Variants in TLN2 observed in about 807,000 individuals in gnomAD.
TLN2 encodes talin-2.
TLN2 carries 118 observed loss-of-function variants against 294.7 expected under a neutral mutation model. The ratio of observed to expected loss-of-function variants is 0.40; its 90% CI spans 0.34 to 0.47. The LOEUF is 0.47. TLN2 is among the 20% of genes least tolerant of loss of function. TLN2 has a pLI of 0.84. For synonymous variants in TLN2, 1,431 were observed against 1,304.5 expected (o/e 1.10, Z -2.09); for missense variants, 3,083 against 3,282.2 (o/e 0.94, Z 1.48).
intron 1 of TLN2, among the ~76,000 whole-genome samples, chr15:62,466,661 C>G (rs2140352941): frequency 6.6e-6 from 1 of 152,334 alleles, no homozygotes. Flanking sequence ...AAATGCACAG[C>G]TGAGATATTT....
At chr15:62,464,984 G>A (rs1013562146) in intron 1 of TLN2, among the ~76,000 whole-genome samples, 1 of 152,064 alleles carries the variant, frequency 6.6e-6, no homozygotes, top group African/African-American at 2.4e-5. Flanking sequence ...CTATGGGGGT[G>A]CATGTGTGAT....
chr15:62,650,251 C>A, intron 5 of TLN2, 70 bp downstream of exon 5: 1 of 1,485,226 alleles, frequency 6.7e-7, no homozygotes, highest in Non-Finnish European at 9.4e-7. Context: ...GACGCCAACA[C>A]GGTTACGCTA....
At chr15:62,555,001 A>AG (rs2042530133) in intron 1 of TLN2, among the ~76,000 whole-genome samples, 1 of 151,422 alleles carries the variant, frequency 6.6e-6, no homozygotes, top group African/African-American at 2.4e-5. Context: ...AAAGAAAAAA[A>AG]AAAACACCCT....
chr15:62,780,070 C>A (rs1011017858), intron 43 of TLN2, among the ~76,000 whole-genome samples: 2 of 152,260 alleles, frequency 1.3e-5, no homozygotes, highest in East Asian at 3.8e-4. Flanking sequence ...CCAGATCCCA[C>A]TGTTGTCGTC....
At chr15:62,445,357 T>C (rs1027402185) in intron 1 of TLN2, among the ~76,000 whole-genome samples, 1 of 152,196 alleles carries the variant, frequency 6.6e-6, no homozygotes, top group African/African-American at 2.4e-5. Context: ...ATATGCTATA[T>C]ACGTTAGAGT....
chr15:62,797,724 C>G (rs1356212105), intron 48 of TLN2, among the ~76,000 whole-genome samples: 1 of 152,136 alleles, frequency 6.6e-6, no homozygotes, highest in Non-Finnish European at 1.5e-5. Flanking sequence ...TGGGCCAGAG[C>G]AGGGCACAGG....
At chr15:62,540,066 A>T (rs2041587191) in intron 1 of TLN2, among the ~76,000 whole-genome samples, 2 of 152,206 alleles carry the variant, frequency 1.3e-5, no homozygotes, top group Admixed American at 1.3e-4. Flanking sequence ...CAGGCTGGGT[A>T]CAGTGGCTCA....
intron 2 of TLN2, among the ~76,000 whole-genome samples, chr15:62,608,674 G>A (rs2047653684): frequency 6.6e-6 from 1 of 152,198 alleles, no homozygotes; most frequent in East Asian, 1.9e-4. Context: ...AGGGAGAGGT[G>A]ATGAGTTTAT....
chr15:62,669,164 C>CTA (rs2055088789), intron 9 of TLN2, among the ~76,000 whole-genome samples: 1 of 152,144 alleles, frequency 6.6e-6, no homozygotes, highest in Non-Finnish European at 1.5e-5. Context: ...TATTTGACAG[C>CTA]TATCTATATG....
At chr15:62,641,262 C>T (rs1345186984) in intron 3 of TLN2, among the ~76,000 whole-genome samples, 2 of 152,012 alleles carry the variant, frequency 1.3e-5, no homozygotes, top group South Asian at 2.1e-4. Context: ...AGATAGTGGC[C>T]GACTCAAGTA....
At chr15:62,545,313 C>G (rs1295251678) in intron 1 of TLN2, among the ~76,000 whole-genome samples, 3 of 151,956 alleles carry the variant, frequency 2.0e-5, no homozygotes, top group African/African-American at 7.3e-5. Flanking sequence ...CTTAACTCTT[C>G]CAAAAATTGC....
At chr15:62,696,287 C>G (rs78376537) in intron 14 of TLN2, among the ~76,000 whole-genome samples, 2,253 of 152,356 alleles carry the variant, frequency 0.015, 25 homozygotes, top group Non-Finnish European at 0.022. Context: ...ACAACACACA[C>G]AGACCCTGTT....
At chr15:62,573,568 G>A (rs927880084) in intron 1 of TLN2, among the ~76,000 whole-genome samples, 8 of 152,092 alleles carry the variant, frequency 5.3e-5, no homozygotes, top group African/African-American at 1.7e-4. Flanking sequence ...CAGGGGTCCC[G>A]TGGGGCCATG....
intron 1 of TLN2, among the ~76,000 whole-genome samples, chr15:62,405,959 T>G (rs2033372755): frequency 6.6e-6 from 1 of 152,108 alleles, no homozygotes; most frequent in South Asian, 2.1e-4. Flanking sequence ...TTGATGAACC[T>G]CAGAAGTTGT....
intron 49 of TLN2, 58 bp downstream of exon 49, chr15:62,800,551 GGA>G (rs1181721628): frequency 6.2e-7 from 1 of 1,610,786 alleles, no homozygotes; most frequent in African/African-American, 1.3e-5. Flanking sequence ...CTTAAAGGAA[GGA>G]GAGGCGTCCT....
At chr15:62,428,852 A>C (rs1309398866) in intron 1 of TLN2, among the ~76,000 whole-genome samples, 1 of 152,176 alleles carries the variant, frequency 6.6e-6, no homozygotes, top group African/African-American at 2.4e-5. Context: ...TGTGCTTATT[A>C]ATAATATGAA....
At chr15:62,647,919 T>C (rs991018718) in intron 4 of TLN2, among the ~76,000 whole-genome samples, 6 of 152,228 alleles carry the variant, frequency 3.9e-5, no homozygotes, top group Non-Finnish European at 5.9e-5. Flanking sequence ...ATTTGTGATA[T>C]ATGTTTTGTT....
intron 12 of TLN2, among the ~76,000 whole-genome samples, chr15:62,688,164 TATG>T (rs770222343): frequency 3.3e-5 from 5 of 152,158 alleles, no homozygotes; most frequent in Admixed American, 6.5e-5. Flanking sequence ...AATGAATAGT[TATG>T]ATAACCTCAT....
intron 52 of TLN2, among the ~76,000 whole-genome samples, chr15:62,817,551 T>C (rs1596107942): frequency 6.6e-6 from 1 of 152,354 alleles, no homozygotes; most frequent in African/African-American, 2.4e-5. Context: ...TAATGTCATC[T>C]GTACACTGCC....
Sources: allele counts gnomAD v4.1 joint callset (sites outside exome capture counted in the v4.1 genomes callset), GRCh38; gene constraint gnomAD v4.1.1; transcripts MANE v1.5; gene names NCBI Gene and HGNC (gene_info 2026-07-23, HGNC 2026-07-21).